Variants in DIAPH3 observed in about 807,000 individuals in gnomAD.
The protein encoded by DIAPH3 is diaphanous related formin 3.
A neutral mutation model predicts 144.3 loss-of-function variants in DIAPH3; 117 were observed. The ratio of observed to expected loss-of-function variants is 0.81; its 90% CI spans 0.70 to 0.95. DIAPH3 has a LOEUF of 0.95. Among genes scored for constraint, DIAPH3 ranks in the 40% least tolerant of loss-of-function variants. DIAPH3 has a pLI of 0.00. For missense variants in DIAPH3, 1,421 were observed against 1,412.7 expected, an observed-to-expected ratio of 1.01 and a Z score of -0.09; for synonymous variants, 519 against 488.9, an observed-to-expected ratio of 1.06 and a Z score of -0.81.
chr13:60,092,695 A>C (rs1464893250), intron 4 of DIAPH3, among the ~76,000 whole-genome samples: 3 of 152,154 alleles, frequency 2.0e-5, no homozygotes, highest in Admixed American at 6.5e-5. Context: ...CAGTACTCAC[A>C]GTGATTTCTA....
At chr13:60,159,207 T>C (rs1225589681) in intron 1 of DIAPH3, among the ~76,000 whole-genome samples, 2 of 152,192 alleles carry the variant, frequency 1.3e-5, no homozygotes, top group African/African-American at 4.8e-5. Context: ...ATCAATTCTA[T>C]ATTCATATTA....
At chr13:59,959,367 A>G (rs1334625562) in intron 17 of DIAPH3, among the ~76,000 whole-genome samples, 1 of 152,208 alleles carries the variant, frequency 6.6e-6, no homozygotes. Flanking sequence ...GCTGCCAAAG[A>G]TATCAATGCC....
intron 20 of DIAPH3, among the ~76,000 whole-genome samples, chr13:59,893,701 T>C (rs1486482028): frequency 6.6e-6 from 1 of 152,102 alleles, no homozygotes; most frequent in Non-Finnish European, 1.5e-5. Context: ...TGTTGCAGAT[T>C]AGTTTATTCA....
chr13:59,919,248 T>G (rs545199035), intron 18 of DIAPH3, among the ~76,000 whole-genome samples: 241 of 152,210 alleles, frequency 1.6e-3, no homozygotes, highest in Non-Finnish European at 2.9e-3. Flanking sequence ...AGAAAACTTA[T>G]TTTAAAAAGT....
chr13:59,743,974 T>C (rs1210579151), intron 27 of DIAPH3, among the ~76,000 whole-genome samples: 1 of 152,144 alleles, frequency 6.6e-6, no homozygotes, highest in Non-Finnish European at 1.5e-5. Context: ...AGTAAAATGG[T>C]GGCAAATCAT....
intron 17 of DIAPH3, among the ~76,000 whole-genome samples, chr13:59,931,244 C>T: frequency 6.6e-6 from 1 of 152,152 alleles, no homozygotes; most frequent in Admixed American, 6.5e-5. Context: ...TCACTCCTCA[C>T]CATTGCCCTG....
intron 3 of DIAPH3, among the ~76,000 whole-genome samples, chr13:60,108,653 G>A (rs2058485978): frequency 6.6e-6 from 1 of 152,026 alleles, no homozygotes; most frequent in Non-Finnish European, 1.5e-5. Context: ...GTCTCTAACA[G>A]AGGCATGGAG....
At position 60,042,807 on chromosome 13, in the gene DIAPH3, C is replaced by A. The variant is rs1438107442; in HGVS notation, c.509G>T (p.Arg170Ile). The A allele has an allele frequency of 6.2e-7, 1 of 1,613,448 alleles. No individual in the cohort carries two copies. The highest frequency in any genetic ancestry group is 1.3e-5 in the African/African-American group (1 of 75,010). Residue 170 changes from arginine (R) to isoleucine (I), a missense_variant, in exon 5 of 28, where the codon AGA becomes ATA. By Grantham distance (97) the Arg-to-Ile change is moderately conservative. Transcript: ENST00000400324. ...NTASKTGSLK[R>I]SRQISPQEFI... ...TTCCTGAGGTGAGATCTGTCGGCTT[C>A]TCTTAAGACTTCCCTATAAAATAAG...
intron 4 of DIAPH3, among the ~76,000 whole-genome samples, chr13:60,071,629 T>C (rs2057210778): frequency 6.6e-6 from 1 of 152,128 alleles, no homozygotes; most frequent in South Asian, 2.1e-4. Context: ...CTCAAAACTA[T>C]CCTGAAATCT....
At chr13:59,889,190 A>C (rs1218429310) in intron 20 of DIAPH3, among the ~76,000 whole-genome samples, 3 of 151,906 alleles carry the variant, frequency 2.0e-5, no homozygotes, top group Non-Finnish European at 2.9e-5. Context: ...ATTTCTTCAA[A>C]TATTTTGTCA....
At chr13:60,002,424 G>A (rs552376075) in intron 9 of DIAPH3, among the ~76,000 whole-genome samples, 26 of 152,282 alleles carry the variant, frequency 1.7e-4, no homozygotes, top group African/African-American at 6.0e-4. Context: ...ACTGCAACTG[G>A]CAGTATTCAC....
chr13:60,026,166 C>A (rs2141061498), intron 5 of DIAPH3, among the ~76,000 whole-genome samples: 1 of 152,268 alleles, frequency 6.6e-6, no homozygotes, highest in East Asian at 1.9e-4. Flanking sequence ...TCCCCACACA[C>A]TGCTCCCACC....
chr13:60,040,912 C>A (rs1444024184), intron 5 of DIAPH3, among the ~76,000 whole-genome samples: 1 of 152,140 alleles, frequency 6.6e-6, no homozygotes, highest in East Asian at 1.9e-4. Context: ...CTCCTAGGTT[C>A]AAGCGATTCT....
chr13:60,087,412 T>G (rs1429310751), intron 4 of DIAPH3, among the ~76,000 whole-genome samples: 1 of 152,170 alleles, frequency 6.6e-6, no homozygotes, highest in African/African-American at 2.4e-5. Flanking sequence ...AACACTATAT[T>G]ATACATATAT....
intron 5 of DIAPH3, among the ~76,000 whole-genome samples, chr13:60,034,281 C>T (rs568143700): frequency 5.9e-5 from 9 of 152,162 alleles, no homozygotes; most frequent in Admixed American, 5.2e-4. Context: ...CAGGCATTAA[C>T]AATTAAAAAG....
At chr13:59,821,315 T>C (rs2041061836) in intron 24 of DIAPH3, among the ~76,000 whole-genome samples, 1 of 152,070 alleles carries the variant, frequency 6.6e-6, no homozygotes, top group Admixed American at 6.6e-5. Flanking sequence ...ACACCTTGCT[T>C]AGGGTTGTTT....
chr13:59,667,534 A>T (rs1015315972), intron 27 of DIAPH3, among the ~76,000 whole-genome samples: 2 of 152,266 alleles, frequency 1.3e-5, no homozygotes, highest in South Asian at 2.1e-4. Context: ...ATAAGAATTT[A>T]AAAAGTCGAT....
intron 27 of DIAPH3, among the ~76,000 whole-genome samples, chr13:59,735,110 G>T (rs2036080252): frequency 6.6e-6 from 1 of 151,146 alleles, no homozygotes; most frequent in South Asian, 2.1e-4. Flanking sequence ...TTGAAAAACA[G>T]AATTTTTTTT....
At chr13:59,785,648 C>G (rs2038996467) in intron 25 of DIAPH3, among the ~76,000 whole-genome samples, 1 of 152,136 alleles carries the variant, frequency 6.6e-6, no homozygotes, top group Non-Finnish European at 1.5e-5. Context: ...ACTAATATAG[C>G]AAATATTGCT....
Sources: gnomAD v4.1 joint callset for allele counts (sites outside exome capture counted in the v4.1 genomes callset) on GRCh38, gnomAD v4.1.1 for gene constraint, MANE v1.5 for transcripts, NCBI Gene and HGNC (gene_info 2026-07-23, HGNC 2026-07-21) for gene names.